Variants in CSMD2 observed in about 807,000 individuals in gnomAD.
CSMD2 encodes CUB and sushi domain-containing protein 2.
A neutral mutation model predicts 398.5 loss-of-function variants in CSMD2; 130 were observed. The ratio of observed to expected loss-of-function variants is 0.33; its 90% CI spans 0.28 to 0.38. The LOEUF (loss-of-function observed/expected upper bound fraction) is 0.38. Ranked by LOEUF, CSMD2 falls within the 10% of genes least tolerant of loss-of-function variation. The probability of loss-of-function intolerance (pLI) is 1.00; values close to 1 mark genes in which losing one functional copy is unlikely to be tolerated. For missense variants in CSMD2, 3,829 were observed against 4,764.9 expected (o/e 0.80, Z 5.78); for synonymous variants, 1,828 against 1,908.5 (o/e 0.96, Z 1.10).
intron 3 of CSMD2, among the ~76,000 whole-genome samples, chr1:33,991,826 T>C (rs532754605): frequency 1.9e-4 from 29 of 151,452 alleles, no homozygotes; most frequent in Admixed American, 7.9e-4. Flanking sequence ...ACATATATAA[T>C]GGACAACACA....
intron 6 of CSMD2, among the ~76,000 whole-genome samples, chr1:33,828,591 G>C (rs76451042): frequency 6.6e-6 from 1 of 152,186 alleles, no homozygotes; most frequent in African/African-American, 2.4e-5. Flanking sequence ...GGGCAAAGCT[G>C]CTTGGATTTT....
chr1:33,917,676 C>A (rs925895113), intron 5 of CSMD2, among the ~76,000 whole-genome samples: 1 of 152,166 alleles, frequency 6.6e-6, no homozygotes, highest in Non-Finnish European at 1.5e-5. Context: ...AGAATTAAGA[C>A]TAAAAATGTT....
intron 1 of CSMD2, among the ~76,000 whole-genome samples, chr1:34,092,729 T>G (rs565536342): frequency 3.8e-4 from 58 of 152,302 alleles, no homozygotes; most frequent in African/African-American, 1.4e-3. Flanking sequence ...ACCACGAGAT[T>G]ATATCCCGCA....
chr1:34,134,810 G>A (rs2994602), intron 1 of CSMD2, among the ~76,000 whole-genome samples: 108,511 of 152,090 alleles, frequency 0.71, 39,942 homozygotes, highest in Non-Finnish European at 0.81. Flanking sequence ...CAGACAACTG[G>A]GAAACATGAA....
intron 1 of CSMD2, among the ~76,000 whole-genome samples, chr1:34,090,030 C>A (rs1291181022): frequency 6.6e-6 from 1 of 152,174 alleles, no homozygotes; most frequent in Non-Finnish European, 1.5e-5. Context: ...TTGATCCACC[C>A]AAACAGATCT....
At chr1:33,731,719 C>A (rs1646726364) in intron 15 of CSMD2, among the ~76,000 whole-genome samples, 1 of 152,120 alleles carries the variant, frequency 6.6e-6, no homozygotes, top group Non-Finnish European at 1.5e-5. Flanking sequence ...ATGAAGCTAA[C>A]AAGGATACTG....
intron 21 of CSMD2, among the ~76,000 whole-genome samples, chr1:33,712,487 C>T (rs748694880): frequency 5.9e-5 from 9 of 152,184 alleles, no homozygotes; most frequent in Non-Finnish European, 8.8e-5. Context: ...GCCTGAGCCT[C>T]GGCAGCAGGG....
Position 33,824,781 on chromosome 1 carries a change from G to A in CSMD2, c.1111+916C>T, listed in dbSNP as rs75898848. 5.8e-3 allele frequency among the ~76,000 whole-genome samples: 876 copies of A among 152,152 alleles called. 4 individuals are homozygous for A. The highest frequency in any genetic ancestry group is 0.02 in the African/African-American group (833 of 41,504). ...AGAACGATGGAGCAGAAAGTGGCAA[G>A]AGGAGAAAAAGTGAAGGGAGAGAGG... On this transcript the variant is annotated intron_variant, in intron 7 of 70. Transcript: ENST00000373381.
chr1:34,164,845 T>C lies in CSMD2; in HGVS notation c.187+66A>G. 1 of 819,232 alleles carries C rather than the reference T, an allele frequency of 1.2e-6. No individual in the cohort carries two copies. Among genetic ancestry groups the C allele is most frequent in the Non-Finnish European group, 1.4e-6 (1 of 714,762 alleles). The allele number at this position is 819,232 out of a possible 1,614,324, so 50.7% of individuals were successfully genotyped here. A position where few individuals can be genotyped will look rare whatever the true frequency, so the allele number is the denominator to read the frequency against. On this transcript the variant is annotated intron_variant, in intron 1 of 70. Coordinates refer to ENST00000373381, the MANE Select transcript of CSMD2 (RefSeq NM_001281956.2). This position sits in a 1 kb window ranked among gnomAD's most constrained non-coding sequence, Gnocchi z 6.2. ...GGAGGGACTGGGACCGGGTCGAGGA[T>C]GGGTGGGCTCGGGGCTCGGGTGGGG...
At chr1:34,130,912 C>T (rs185295836) in intron 1 of CSMD2, among the ~76,000 whole-genome samples, 8 of 152,184 alleles carry the variant, frequency 5.3e-5, no homozygotes, top group East Asian at 3.9e-4. Context: ...AAGGACAAAC[C>T]GAGACCATCC....
At chr1:33,733,354 G>T (rs949811725) in intron 15 of CSMD2, among the ~76,000 whole-genome samples, 9 of 152,190 alleles carry the variant, frequency 5.9e-5, no homozygotes, top group African/African-American at 1.9e-4. Context: ...ACCTCACTTG[G>T]AGGTTAAAAG....
chr1:33,650,263 T>C (rs772416599), intron 28 of CSMD2, among the ~76,000 whole-genome samples: 8 of 152,132 alleles, frequency 5.3e-5, no homozygotes, highest in Non-Finnish European at 1.2e-4. Flanking sequence ...CTGTAGGAAG[T>C]GACAGATATA....
chr1:33,629,747 T>A (rs948662387), intron 32 of CSMD2, among the ~76,000 whole-genome samples: 34 of 151,656 alleles, frequency 2.2e-4, no homozygotes, highest in Admixed American at 7.9e-4. Flanking sequence ...CTACAGGTTT[T>A]TTTTTTTTCT....
intron 2 of CSMD2, among the ~76,000 whole-genome samples, chr1:34,042,650 A>G (rs1651986572): frequency 2.6e-5 from 4 of 152,196 alleles, no homozygotes; most frequent in Admixed American, 2.6e-4. Flanking sequence ...AGCTAGAAGG[A>G]CATAATGATC....
chr1:33,790,801 ATAT>A (rs1654187872), intron 11 of CSMD2, among the ~76,000 whole-genome samples: 1 of 148,448 alleles, frequency 6.7e-6, no homozygotes, highest in East Asian at 2.0e-4. Flanking sequence ...CATCTCTCTA[ATAT>A]CTATCTATCT....
intron 5 of CSMD2, among the ~76,000 whole-genome samples, chr1:33,915,209 T>C (rs977004944): frequency 1.3e-5 from 2 of 152,184 alleles, no homozygotes; most frequent in Non-Finnish European, 2.9e-5. Context: ...TTCTATGCCT[T>C]GGCACAGAAT....
intron 3 of CSMD2, among the ~76,000 whole-genome samples, chr1:33,960,531 C>T (rs115253358): frequency 0.014 from 2,170 of 152,290 alleles, 61 homozygotes; most frequent in African/African-American, 0.048. Context: ...AGACATAGGT[C>T]CTGCCTTCAA....
In CSMD2 at chr1:33,559,345, A is replaced by C. The variant is rs1192730909; in HGVS notation, c.8509T>G (p.Cys2837Gly). The change falls in exon 54 of 71, where the codon TGC (cysteine) becomes GGC (glycine). Residue 2837 changes from cysteine (C) to glycine (G), a missense_variant. Physicochemically the swap from Cys to Gly is radical, Grantham distance 159. This residue lies in a region of CSMD2 where 917 missense variants were observed against 1,199.5 expected (regional missense o/e 0.76). Coordinates refer to ENST00000373381, the MANE Select transcript of CSMD2 (RefSeq NM_001281956.2). This position sits in a 1 kb window ranked among gnomAD's most constrained non-coding sequence, Gnocchi z 4.0. ...TCACTCCATTGCCCGCTGGCCAGGC[A>C]TTGGGACCTAGCAGCCCCCTCAGCC... ...YMAEGAARSQCLASGQWSDML... is the reference protein window; with the variant it reads ...YMAEGAARSQGLASGQWSDML... The C allele has an allele frequency of 6.5e-7, 1 of 1,536,016 alleles. No individual in the cohort carries two copies. The highest frequency in any genetic ancestry group is 2.0e-5 in the Admixed American group (1 of 51,010).
intron 5 of CSMD2, chr1:33,864,221 G>A (rs761686282): frequency 1.6e-5 from 26 of 1,609,500 alleles, no homozygotes; most frequent in Non-Finnish European, 2.1e-5. Context: ...TAAAGCCTAA[G>A]GCAAATGTCT....
Sources: gnomAD v4.1 joint callset for allele counts (sites outside exome capture counted in the v4.1 genomes callset) on GRCh38, gnomAD v4.1.1 for gene constraint, gnomAD v4.1.1 regional missense constraint, Gnocchi (gnomAD v3.1) non-coding constraint, MANE v1.5 for transcripts, NCBI Gene and HGNC (gene_info 2026-07-23, HGNC 2026-07-21) for gene names.